Variants in MAST2 observed in about 807,000 individuals in gnomAD.
MAST2 encodes the protein microtubule-associated serine/threonine-protein kinase 2.
MAST2 carries 70 observed loss-of-function variants against 147.4 expected under a neutral mutation model. The observed-to-expected ratio is 0.47, with a 90% CI of 0.39 to 0.58. The LOEUF (loss-of-function observed/expected upper bound fraction) is 0.58. Among genes scored for constraint, MAST2 ranks in the 20% least tolerant of loss-of-function variants. The pLI is 0.00. For synonymous variants in MAST2, 869 were observed against 896.8 expected (o/e 0.97, Z 0.55); for missense variants, 2,080 against 2,302.3 (o/e 0.90, Z 1.98).
At chr1:45,847,403 T>C (rs754637683) in intron 3 of MAST2, 16 of 538,952 alleles carry the variant, frequency 3.0e-5, no homozygotes, top group African/African-American at 5.9e-5. Context: ...TTTGTTTGAA[T>C]ATCTTTTTTT....
chr1:45,841,614 C>T (rs1293356997), intron 3 of MAST2, among the ~76,000 whole-genome samples: 2 of 152,058 alleles, frequency 1.3e-5, no homozygotes, highest in African/African-American at 2.4e-5. Flanking sequence ...CTCTGCTGGG[C>T]AAGGTGTCAG....
At chr1:45,846,463 T>A (rs1645438534) in intron 3 of MAST2, among the ~76,000 whole-genome samples, 1 of 152,186 alleles carries the variant, frequency 6.6e-6, no homozygotes, top group Non-Finnish European at 1.5e-5. Context: ...ATTAAACAAC[T>A]TTTGCAGATC....
chr1:45,867,248 C>G (rs1646193198), intron 3 of MAST2, among the ~76,000 whole-genome samples: 1 of 152,056 alleles, frequency 6.6e-6, no homozygotes, highest in South Asian at 2.1e-4. Context: ...TAAAGTGTGC[C>G]TGGTGGTACA....
At chr1:46,025,200 T>G (rs1436529492) in intron 15 of MAST2, among the ~76,000 whole-genome samples, 1 of 152,122 alleles carries the variant, frequency 6.6e-6, no homozygotes, top group African/African-American at 2.4e-5. Flanking sequence ...ACGCCTGTGA[T>G]CCCAGCTACT....
At chr1:45,962,189 G>A (rs1228775140) in intron 5 of MAST2, among the ~76,000 whole-genome samples, 1 of 152,176 alleles carries the variant, frequency 6.6e-6, no homozygotes, top group Non-Finnish European at 1.5e-5. Context: ...ATTTGGGTTG[G>A]TTCCAAGCCT....
chr1:45,804,415 A>G (rs1644079252), intron 1 of MAST2, among the ~76,000 whole-genome samples: 5 of 152,202 alleles, frequency 3.3e-5, no homozygotes, highest in Admixed American at 2.6e-4. Context: ...AGGAGTAAAT[A>G]GAGTAAGATG....
intron 5 of MAST2, among the ~76,000 whole-genome samples, chr1:45,995,033 G>A (rs1311650718): frequency 3.9e-5 from 6 of 151,908 alleles, no homozygotes; most frequent in Admixed American, 2.6e-4. Flanking sequence ...GTAGAGACAG[G>A]GTTTCATTGT....
intron 4 of MAST2, among the ~76,000 whole-genome samples, chr1:45,945,001 G>T (rs1167548608): frequency 6.6e-6 from 1 of 152,206 alleles, no homozygotes; most frequent in African/African-American, 2.4e-5. Flanking sequence ...ATTAAAAAAT[G>T]ACTGTGGACC....
rs140638885 is a variant in MAST2 at position 46,036,011 on chromosome 1, A to C, written c.5342A>C (p.His1781Pro). ...AGGAGGGGCCAAGAACCAGGGGGCC[A>C]TCAAAAGCATCGGGATTTGGCATTG... Reference protein sequence around the residue: ...SLRRGQEPGGHQKHRDLALVP... With the variant: ...SLRRGQEPGGPQKHRDLALVP... Residue 1781 changes from histidine (H) to proline (P), a missense_variant, in exon 29 of 29, where the codon CAT becomes CCT. Physicochemically the swap from His to Pro is moderately conservative, Grantham distance 77. Around this residue, in one of 4 missense-constraint regions of MAST2, gnomAD observed 1,278 missense variants for 1,304.2 expected, o/e 0.98. Transcript: ENST00000361297. 1 of 1,613,306 alleles carries C rather than the reference A, an allele frequency of 6.2e-7. No individual in the cohort carries two copies. The highest frequency in any genetic ancestry group is 2.2e-5 in the East Asian group (1 of 44,874).
intron 4 of MAST2, among the ~76,000 whole-genome samples, chr1:45,921,744 G>A (rs1048780753): frequency 2.0e-5 from 3 of 152,204 alleles, no homozygotes; most frequent in African/African-American, 7.2e-5. Flanking sequence ...CAGGCTCGGG[G>A]AGCTCTCAGG....
intron 11 of MAST2, 117 bp downstream of exon 11, chr1:46,019,814 T>C: frequency 2.4e-6 from 2 of 844,028 alleles, no homozygotes; most frequent in Non-Finnish European, 3.9e-6. Flanking sequence ...CTTAGGTCCT[T>C]ATTTAAATAT....
intron 5 of MAST2, among the ~76,000 whole-genome samples, chr1:45,990,303 G>T (rs1644808272): frequency 6.6e-6 from 1 of 152,204 alleles, no homozygotes; most frequent in African/African-American, 2.4e-5. Context: ...ATGATGTTGA[G>T]AATCTTTTTA....
intron 5 of MAST2, among the ~76,000 whole-genome samples, chr1:45,965,284 C>A (rs1661016058): frequency 6.6e-6 from 1 of 152,156 alleles, no homozygotes; most frequent in African/African-American, 2.4e-5. Flanking sequence ...TGTTAACTTT[C>A]TGTCTCGCTG....
At chr1:45,863,221 A>G (rs533112302) in intron 3 of MAST2, among the ~76,000 whole-genome samples, 3 of 152,106 alleles carry the variant, frequency 2.0e-5, no homozygotes, top group South Asian at 4.2e-4. Context: ...AGCCACTCCT[A>G]CTTCCTCTCT....
chr1:46,008,910 C>G (rs1226262015), intron 9 of MAST2, among the ~76,000 whole-genome samples: 6 of 152,192 alleles, frequency 3.9e-5, no homozygotes, highest in Admixed American at 3.3e-4. Context: ...TTGCTAACAT[C>G]TGAATTTTCA....
intron 10 of MAST2, among the ~76,000 whole-genome samples, chr1:46,011,640 A>G (rs1017403378): frequency 7.2e-5 from 11 of 152,154 alleles, no homozygotes; most frequent in Non-Finnish European, 1.6e-4. Context: ...GAGAGAGAGG[A>G]TATGCCTGTC....
intron 5 of MAST2, among the ~76,000 whole-genome samples, chr1:45,995,443 G>A (rs1309344132): frequency 2.5e-5 from 3 of 120,012 alleles, no homozygotes; most frequent in African/African-American, 9.0e-5. Context: ...AAACTGGGAA[G>A]GAGCCATGAG....
intron 1 of MAST2, among the ~76,000 whole-genome samples, chr1:45,812,833 C>T (rs1374739673): frequency 6.6e-6 from 1 of 152,192 alleles, no homozygotes; most frequent in Non-Finnish European, 1.5e-5. Context: ...TTCTAGTCTG[C>T]TTCTTCCCCA....
chr1:45,949,913 C>T (rs944483809), intron 4 of MAST2, among the ~76,000 whole-genome samples: 7 of 152,178 alleles, frequency 4.6e-5, no homozygotes, highest in South Asian at 2.1e-4. Flanking sequence ...ATGTCTTTTG[C>T]GAGAACATGG....
Sources: gnomAD v4.1 joint callset for allele counts (sites outside exome capture counted in the v4.1 genomes callset) on GRCh38, gnomAD v4.1.1 for gene constraint, gnomAD v4.1.1 regional missense constraint, MANE v1.5 for transcripts, NCBI Gene and HGNC (gene_info 2026-07-23, HGNC 2026-07-21) for gene names.